SGTB: variants seen among roughly 807,000 people sequenced by gnomAD.
The protein encoded by SGTB is small glutamine rich tetratricopeptide repeat co-chaperone beta.
In SGTB, 19 loss-of-function variants were observed where a neutral mutation model predicts 43.9. The observed-to-expected ratio is 0.43, with a 90% CI of 0.30 to 0.63. SGTB has a LOEUF of 0.63. Ranked by LOEUF, SGTB falls within the 30% of genes least tolerant of loss-of-function variation. SGTB has a pLI of 0.12. For synonymous variants in SGTB, 116 were observed against 117.3 expected, an observed-to-expected ratio of 0.99 and a Z score of 0.07; for missense variants, 304 against 358.9, an observed-to-expected ratio of 0.85 and a Z score of 1.24.
chr5:65,688,224 A>T (rs1445032860), intron 5 of SGTB, among the ~76,000 whole-genome samples: 1 of 152,194 alleles, frequency 6.6e-6, no homozygotes. Context: ...AAGAAAAAAA[A>T]TCTTGTCCAG....
chr5:65,692,305 G>T (rs1757629480), intron 5 of SGTB, among the ~76,000 whole-genome samples: 1 of 151,984 alleles, frequency 6.6e-6, no homozygotes, highest in Non-Finnish European at 1.5e-5. Context: ...AGTTTGTTAG[G>T]GAATAATTTT....
intron 8 of SGTB, among the ~76,000 whole-genome samples, chr5:65,677,327 G>A (rs1189641664): frequency 2.1e-5 from 3 of 144,644 alleles, no homozygotes; most frequent in African/African-American, 7.7e-5. Flanking sequence ...TGAAATTGAG[G>A]CACTAATAAA....
intron 5 of SGTB, among the ~76,000 whole-genome samples, chr5:65,700,541 C>T (rs990815212): frequency 6.6e-6 from 1 of 151,306 alleles, no homozygotes; most frequent in Non-Finnish European, 1.5e-5. Flanking sequence ...ATTAGCCACG[C>T]GTGGTGGTGG....
At chr5:65,679,548 T>C (rs1187856901) in intron 8 of SGTB, among the ~76,000 whole-genome samples, 2 of 151,692 alleles carry the variant, frequency 1.3e-5, no homozygotes, top group Non-Finnish European at 2.9e-5. Flanking sequence ...ACCCAGGAGG[T>C]GGAGGTTGCA....
chr5:65,694,554 C>A (rs1757681934), intron 5 of SGTB, among the ~76,000 whole-genome samples: 1 of 152,144 alleles, frequency 6.6e-6, no homozygotes, highest in Admixed American at 6.5e-5. Context: ...CGGCTCACTG[C>A]AACCTCCGCC....
intron 8 of SGTB, among the ~76,000 whole-genome samples, chr5:65,676,858 C>A (rs1349269429): frequency 6.6e-6 from 1 of 151,606 alleles, no homozygotes; most frequent in Non-Finnish European, 1.5e-5. Flanking sequence ...ACTAAATGCC[C>A]AAATCAAAAA....
At position 65,702,101 on chromosome 5, in the gene SGTB, A is replaced by G. The variant is rs746680620; in HGVS notation, c.374+2178T>C. Among the ~76,000 whole-genome samples the G allele has an allele frequency of 7.9e-5, 12 of 152,344 alleles. No individual in the cohort carries two copies. In the South Asian group the frequency reaches 8.3e-4, roughly 11 times the overall value. Reference sequence around the variant, plus strand: ...AAGTTCTACTGGAACTTCAAAATTTAAAACAGAATAATTTAATTCAGGGAA... The same window carrying G: ...AAGTTCTACTGGAACTTCAAAATTTGAAACAGAATAATTTAATTCAGGGAA... On this transcript the variant is annotated intron_variant, in intron 5 of 10. Transcript: ENST00000381007.
intron 5 of SGTB, among the ~76,000 whole-genome samples, chr5:65,689,934 G>T (rs1235377312): frequency 6.6e-6 from 1 of 152,116 alleles, no homozygotes; most frequent in African/African-American, 2.4e-5. Context: ...AAAGTATAGG[G>T]TTCAACAAAC....
At chr5:65,704,048 A>G (rs868167965) in intron 5 of SGTB, among the ~76,000 whole-genome samples, 1 of 149,024 alleles carries the variant, frequency 6.7e-6, no homozygotes, top group African/African-American at 2.5e-5. Context: ...AAAAAAAAAA[A>G]AAAATAAATA....
In SGTB at chr5:65,704,362, T is replaced by C; in HGVS notation, c.291A>G (p.Lys97=). The part of the protein sequence containing the change: ...QLKDEGNNHM[K]EENYAAAVDC... ...CCACTGCAGCAGCATAATTTTCTTC[T>C]TTCATGTGGTTATTGCCTAAAATAA... The change falls in exon 5 of 11, where the codon AAA becomes AAG. Residue 97 remains lysine, a synonymous_variant. Coordinates refer to ENST00000381007, the MANE Select transcript of SGTB (RefSeq NM_019072.3). The C allele has an allele frequency of 6.2e-7, 1 of 1,611,914 alleles. No homozygotes were observed. The highest frequency in any genetic ancestry group is 8.5e-7 in the Non-Finnish European group (1 of 1,178,998).
intron 6 of SGTB, among the ~76,000 whole-genome samples, chr5:65,683,807 A>G (rs1010260135): frequency 2.6e-5 from 4 of 151,948 alleles, no homozygotes; most frequent in Admixed American, 2.6e-4. Context: ...TTAGCTGGGC[A>G]TGGTGGCGGG....
Position 65,712,977 on chromosome 5 carries a change from G to A in SGTB, c.188C>T (p.Thr63Ile), listed in dbSNP as rs1244465969. ...AVSQPLTEMFTSSFCKNDVLP... is the reference protein window; with the variant it reads ...AVSQPLTEMFISSFCKNDVLP... ...ACAACATACCTTACAGAAGGAACTG[G>A]TAAACATTTCTGTCAAAGGCTGTGA... Residue 63 changes from threonine (T) to isoleucine (I), a missense_variant, in exon 3 of 11, where the codon ACC becomes ATC. Transcript: ENST00000381007. 3 of 1,612,794 alleles carry A rather than the reference G, an allele frequency of 1.9e-6. No homozygotes were observed. The African/African-American group carries it at 4.0e-5, about 22-fold the overall frequency.
chr5:65,680,368 T>C, intron 8 of SGTB, 126 bp downstream of exon 8: 1 of 886,676 alleles, frequency 1.1e-6, no homozygotes, highest in Non-Finnish European at 1.7e-6. Flanking sequence ...AACCCTGCTA[T>C]AGCCTTATAT....
intron 3 of SGTB, among the ~76,000 whole-genome samples, chr5:65,710,022 T>G (rs1180853870): frequency 2.6e-5 from 4 of 152,174 alleles, no homozygotes; most frequent in African/African-American, 9.7e-5. Flanking sequence ...GTAAAAAAAA[T>G]TACTGACAAA....
chr5:65,668,172 A>T lies in SGTB; in HGVS notation c.*2074T>A, dbSNP rs1019561768. 3 of 150,994 alleles carry T rather than the reference A, an allele frequency of 2.0e-5. No homozygotes were observed. Among genetic ancestry groups the T allele is most frequent in the African/African-American group, 7.3e-5 (3 of 41,164 alleles). 9.4% of individuals were successfully genotyped at this position (150,994 alleles called of 1,614,324 possible). ...TCACCATGTTGGCCAGGCTGGTCTC[A>T]AACTCCTGACCTCAGGTGATCCCCC... On this transcript the variant is annotated 3_prime_UTR_variant, in exon 11 of 11. Coordinates refer to ENST00000381007, the MANE Select transcript of SGTB (RefSeq NM_019072.3).
intron 10 of SGTB, among the ~76,000 whole-genome samples, chr5:65,670,929 G>A (rs1206948018): frequency 2.0e-5 from 3 of 152,158 alleles, no homozygotes. Flanking sequence ...AAAATGTCCA[G>A]CGAGAGCATC....
chr5:65,702,205 A>G (rs2150717466), intron 5 of SGTB, among the ~76,000 whole-genome samples: 1 of 152,308 alleles, frequency 6.6e-6, no homozygotes, highest in East Asian at 1.9e-4. Context: ...ACAGGAAGCC[A>G]CTACCATCCC....
chr5:65,713,205 A>C (rs1310639563), intron 2 of SGTB, 141 bp from the exon 3 acceptor site: 1 of 602,538 alleles, frequency 1.7e-6, no homozygotes, highest in East Asian at 3.0e-5. Flanking sequence ...TCAGCTGCAA[A>C]GAAATTTCTG....
rs367567982 is a variant in SGTB, at chr5:65,680,649, A to G, written c.618+7T>C. The G allele has an allele frequency of 6.2e-7, 1 of 1,613,960 alleles. No homozygotes were observed. The highest frequency in any genetic ancestry group is 8.5e-7 in the Non-Finnish European group (1 of 1,179,968). On this transcript the variant is annotated splice_region_variant and intron_variant, in intron 7 of 10. Transcript: ENST00000381007. Reference sequence around the variant, plus strand: ...AATACTTCACTCATTTGGCATTAACAACTTACAGGACTGGATACCTCTCTT... The same window carrying G: ...AATACTTCACTCATTTGGCATTAACGACTTACAGGACTGGATACCTCTCTT...
Sources: allele counts gnomAD v4.1 joint callset (sites outside exome capture counted in the v4.1 genomes callset), GRCh38; gene constraint gnomAD v4.1.1; transcripts MANE v1.5; gene names NCBI Gene and HGNC (gene_info 2026-07-23, HGNC 2026-07-21).